SPSB4: variants seen among roughly 807,000 people sequenced by gnomAD.
SPSB4 encodes SPRY domain-containing SOCS box protein 4.
SPSB4 carries 21 observed loss-of-function variants against 20.9 expected under a neutral mutation model. The observed-to-expected ratio is 1.01, with a 90% confidence interval of 0.71 to 1.45. The LOEUF (loss-of-function observed/expected upper bound fraction) is 1.45, where lower values mean the gene tolerates loss of function less well. Among genes scored for constraint, SPSB4 ranks in the 40% most tolerant of loss-of-function variants. The pLI, the probability that SPSB4 is intolerant of heterozygous loss-of-function variation, is 0.00. For missense variants in SPSB4, 399 were observed against 399.2 expected, an observed-to-expected ratio of 1.00 and a Z score of 0.00; for synonymous variants, 207 against 183.8, an observed-to-expected ratio of 1.13 and a Z score of -1.02.
chr3:141,128,047 A>G (rs1939076238), intron 2 of SPSB4, among the ~76,000 whole-genome samples: 1 of 152,210 alleles, frequency 6.6e-6, no homozygotes, highest in African/African-American at 2.4e-5. Context: ...GAGAAGAAAA[A>G]GAAGGCTGGT....
At chr3:141,128,599 C>T (rs1268999949) in intron 2 of SPSB4, among the ~76,000 whole-genome samples, 2 of 152,086 alleles carry the variant, frequency 1.3e-5, no homozygotes, top group East Asian at 1.9e-4. Context: ...AACGGGGTGC[C>T]GGCACAGAAT....
At position 141,066,131 on chromosome 3, in the gene SPSB4, C is replaced by G. The variant is rs1350424261; in HGVS notation, c.27C>G (p.Leu9=). ...TGGGCCAGAAGCTCTCGGGGAGCCT[C>G]AAGTCAGTGGAGGTGCGAGAGCCGG... MGQKLSGS[L]KSVEVREPAL... The change falls in exon 2 of 3, where the codon CTC becomes CTG. Residue 9 remains leucine, a synonymous_variant. Transcript: ENST00000310546. 7.2e-6 allele frequency: 11 copies of G among 1,531,706 alleles called. No individual in the cohort carries two copies. Among genetic ancestry groups the G allele is most frequent in the Non-Finnish European group, 9.6e-6 (11 of 1,142,064 alleles). The allele number at this position is 1,531,706 out of a possible 1,614,324, so 94.9% of individuals were successfully genotyped here.
At chr3:141,114,717 A>G (rs1185452734) in intron 2 of SPSB4, among the ~76,000 whole-genome samples, 1 of 152,220 alleles carries the variant, frequency 6.6e-6, no homozygotes, top group East Asian at 1.9e-4. Context: ...TATCTGAACT[A>G]AGGTATTTTT....
At chr3:141,138,631 G>T (rs1309859379) in intron 2 of SPSB4, among the ~76,000 whole-genome samples, 2 of 152,144 alleles carry the variant, frequency 1.3e-5, no homozygotes, top group East Asian at 3.8e-4. Context: ...CAGTTTCCAT[G>T]CAATTGAGTG....
At chr3:141,082,632 T>C (rs1463295183) in intron 2 of SPSB4, among the ~76,000 whole-genome samples, 1 of 151,880 alleles carries the variant, frequency 6.6e-6, no homozygotes, top group Non-Finnish European at 1.5e-5. Flanking sequence ...TCTATCTATC[T>C]ATCTATCTAT....
intron 2 of SPSB4, among the ~76,000 whole-genome samples, chr3:141,131,560 A>C (rs886491587): frequency 6.8e-6 from 1 of 147,786 alleles, no homozygotes; most frequent in Non-Finnish European, 1.5e-5. Context: ...TAACTTCATC[A>C]CCTTGCTTTT....
chr3:141,064,346 T>C (rs1383924238), intron 1 of SPSB4, among the ~76,000 whole-genome samples: 1 of 152,206 alleles, frequency 6.6e-6, no homozygotes, highest in African/African-American at 2.4e-5. Flanking sequence ...TTTTGGGTGA[T>C]TTCGGATATG....
At chr3:141,110,912 C>A (rs1427033242) in intron 2 of SPSB4, among the ~76,000 whole-genome samples, 6 of 152,220 alleles carry the variant, frequency 3.9e-5, no homozygotes, top group African/African-American at 1.4e-4. Context: ...TTGCCCAGAT[C>A]CCACGGCTCC....
At chr3:141,126,185 G>A (rs1939048586) in intron 2 of SPSB4, among the ~76,000 whole-genome samples, 1 of 152,192 alleles carries the variant, frequency 6.6e-6, no homozygotes, top group Non-Finnish European at 1.5e-5. Context: ...GAAGCTCAGA[G>A]AGGGAAGAAA....
intron 2 of SPSB4, among the ~76,000 whole-genome samples, chr3:141,095,049 T>G (rs1024166613): frequency 2.0e-5 from 3 of 152,130 alleles, no homozygotes; most frequent in Non-Finnish European, 2.9e-5. Flanking sequence ...CTCCACTGGC[T>G]GGCGGTGTAT....
At chr3:141,065,450 C>T (rs1334552221) in intron 1 of SPSB4, among the ~76,000 whole-genome samples, 6 of 152,130 alleles carry the variant, frequency 3.9e-5, no homozygotes, top group Admixed American at 3.9e-4. Context: ...CAGCTGTGTG[C>T]CCCCCAGCCT....
At chr3:141,142,536 T>C (rs1439601285) in intron 2 of SPSB4, among the ~76,000 whole-genome samples, 3 of 152,192 alleles carry the variant, frequency 2.0e-5, no homozygotes, top group Admixed American at 2.0e-4. Flanking sequence ...GGTAGAATGT[T>C]CTGTAAATAT....
intron 2 of SPSB4, among the ~76,000 whole-genome samples, chr3:141,126,078 G>A (rs1939045881): frequency 6.6e-6 from 1 of 152,130 alleles, no homozygotes; most frequent in Non-Finnish European, 1.5e-5. Context: ...CAAGTCTTTG[G>A]GGCTCTATGA....
At chr3:141,113,182 T>C (rs1938830325) in intron 2 of SPSB4, among the ~76,000 whole-genome samples, 1 of 152,304 alleles carries the variant, frequency 6.6e-6, no homozygotes, top group Non-Finnish European at 1.5e-5. Context: ...GAGGAATTCC[T>C]GGTGAGAATG....
chr3:141,061,370 GT>G (rs1470441648), intron 1 of SPSB4, among the ~76,000 whole-genome samples: 4 of 151,946 alleles, frequency 2.6e-5, no homozygotes, highest in African/African-American at 9.7e-5. Context: ...GTGAATTCTA[GT>G]TTTTGTCCTT....
At chr3:141,102,348 C>T (rs1938624687) in intron 2 of SPSB4, among the ~76,000 whole-genome samples, 1 of 152,178 alleles carries the variant, frequency 6.6e-6, no homozygotes, top group Non-Finnish European at 1.5e-5. Context: ...GGAAAACATA[C>T]AACCGATTAC....
chr3:141,120,012 G>A (rs908083798), intron 2 of SPSB4, among the ~76,000 whole-genome samples: 1 of 152,114 alleles, frequency 6.6e-6, no homozygotes, highest in Non-Finnish European at 1.5e-5. Context: ...ATGTTAGGGT[G>A]TCGATTTTAG....
chr3:141,083,792 C>T (rs1938286190), intron 2 of SPSB4, among the ~76,000 whole-genome samples: 1 of 152,024 alleles, frequency 6.6e-6, no homozygotes, highest in African/African-American at 2.4e-5. Flanking sequence ...TGAAGGGGGT[C>T]TGTGGGGTCT....
chr3:141,069,140 G>C (rs947324885), intron 2 of SPSB4, among the ~76,000 whole-genome samples: 11 of 152,182 alleles, frequency 7.2e-5, no homozygotes, highest in African/African-American at 1.2e-4. Flanking sequence ...TATAGCACTA[G>C]CCTGTTCTCT....
Sources: allele counts gnomAD v4.1 joint callset (sites outside exome capture counted in the v4.1 genomes callset), GRCh38; gene constraint gnomAD v4.1.1; transcripts MANE v1.5; gene names NCBI Gene and HGNC (gene_info 2026-07-23, HGNC 2026-07-21).